The following GRM1 variants were observed in gnomAD, a reference collection of about 807,000 sequenced individuals.
The protein encoded by GRM1 is metabotropic glutamate receptor 1.
Under a neutral mutation model 90.9 loss-of-function variants are expected in GRM1, and 33 were observed. The ratio of observed to expected loss-of-function variants is 0.36; its 90% CI spans 0.28 to 0.49. The LOEUF (loss-of-function observed/expected upper bound fraction) is 0.49, where lower values mean the gene tolerates loss of function less well. Among genes scored for constraint, GRM1 ranks in the 20% least tolerant of loss-of-function variants. GRM1 has a pLI of 0.99. For missense variants in GRM1, 1,190 were observed against 1,534.3 expected, an observed-to-expected ratio of 0.78 and a Z score of 3.75; for synonymous variants, 700 against 613.2, an observed-to-expected ratio of 1.14 and a Z score of -2.09.
chr6:146,333,845 A>G (rs1045897355), intron 3 of GRM1, among the ~76,000 whole-genome samples: 1 of 152,208 alleles, frequency 6.6e-6, no homozygotes, highest in Admixed American at 6.5e-5. Context: ...GCCTAAAGAA[A>G]CAAGGAAAAT....
intron 1 of GRM1, among the ~76,000 whole-genome samples, chr6:146,099,761 C>A (rs1216969521): frequency 6.6e-6 from 1 of 152,100 alleles, no homozygotes; most frequent in Admixed American, 6.6e-5. Context: ...TATACAGTGT[C>A]CTTTAAATGA....
intron 7 of GRM1, among the ~76,000 whole-genome samples, chr6:146,407,343 G>T (rs1009911754): frequency 6.6e-6 from 1 of 152,102 alleles, no homozygotes; most frequent in Admixed American, 6.5e-5. Context: ...TAACACACTT[G>T]CTCCACAAAT....
At chr6:146,254,926 G>A (rs1296738335) in intron 2 of GRM1, among the ~76,000 whole-genome samples, 6 of 152,156 alleles carry the variant, frequency 3.9e-5, no homozygotes, top group African/African-American at 1.4e-4. Context: ...ATTGGCTGAT[G>A]GCATAGTTTT....
chr6:146,327,156 CT>C (rs1212788711), intron 3 of GRM1, among the ~76,000 whole-genome samples: 1 of 152,028 alleles, frequency 6.6e-6, no homozygotes, highest in African/African-American at 2.4e-5. Flanking sequence ...TATCTAATGC[CT>C]TTTTTTCTGT....
chr6:146,405,087 G>A (rs886641303), intron 7 of GRM1, among the ~76,000 whole-genome samples: 1 of 152,114 alleles, frequency 6.6e-6, no homozygotes, highest in African/African-American at 2.4e-5. Flanking sequence ...AAACAGATAA[G>A]GAATACAGGA....
chr6:146,080,453 G>A (rs755089927), intron 1 of GRM1, among the ~76,000 whole-genome samples: 13 of 152,070 alleles, frequency 8.5e-5, no homozygotes, highest in East Asian at 7.7e-4. Context: ...AAAAATACAC[G>A]TGACACAGGG....
intron 1 of GRM1, among the ~76,000 whole-genome samples, chr6:146,103,450 A>G (rs1445404258): frequency 1.3e-5 from 2 of 152,186 alleles, no homozygotes; most frequent in Non-Finnish European, 2.9e-5. Flanking sequence ...AGAATTCCCT[A>G]TAGTGTCAGC....
intron 1 of GRM1, among the ~76,000 whole-genome samples, chr6:146,152,448 T>C (rs1260939143): frequency 6.6e-6 from 1 of 151,910 alleles, no homozygotes; most frequent in African/African-American, 2.4e-5. Context: ...CTGTATTTTG[T>C]GTGCTTGTGT....
At chr6:146,093,593 C>T (rs1776779973) in intron 1 of GRM1, among the ~76,000 whole-genome samples, 1 of 152,046 alleles carries the variant, frequency 6.6e-6, no homozygotes, top group Non-Finnish European at 1.5e-5. Flanking sequence ...GTTTTATATC[C>T]TTTTGTGAAC....
chr6:146,431,493 T>C (rs1034302597), intron 7 of GRM1, among the ~76,000 whole-genome samples: 8 of 152,200 alleles, frequency 5.3e-5, no homozygotes, highest in Non-Finnish European at 5.9e-5. Context: ...ACCTTTTTGC[T>C]ATTATGTGTA....
intron 1 of GRM1, among the ~76,000 whole-genome samples, chr6:146,157,739 CT>C (rs1777571439): frequency 6.6e-6 from 1 of 151,856 alleles, no homozygotes; most frequent in Non-Finnish European, 1.5e-5. Flanking sequence ...GGAGTTGGCT[CT>C]AACCTAAAGT....
intron 2 of GRM1, among the ~76,000 whole-genome samples, chr6:146,225,098 A>G (rs897662134): frequency 6.6e-6 from 1 of 152,082 alleles, no homozygotes; most frequent in Non-Finnish European, 1.5e-5. Context: ...TTGTGGGAAG[A>G]CTTAAGAAAA....
chr6:146,041,741 GT>G (rs1220411864), intron 1 of GRM1, among the ~76,000 whole-genome samples: 1 of 151,912 alleles, frequency 6.6e-6, no homozygotes, highest in Non-Finnish European at 1.5e-5. Context: ...CGAATTCTGG[GT>G]TATTGGTGAT....
chr6:146,364,084 A>G (rs1286901689), intron 5 of GRM1, among the ~76,000 whole-genome samples: 1 of 152,224 alleles, frequency 6.6e-6, no homozygotes, highest in South Asian at 2.1e-4. Context: ...TCTAGGTCAC[A>G]TTGTAAATCA....
At chr6:146,395,592 G>A (rs565636850) in intron 6 of GRM1, among the ~76,000 whole-genome samples, 3 of 151,964 alleles carry the variant, frequency 2.0e-5, no homozygotes, top group Non-Finnish European at 2.9e-5. Context: ...CTTGTAGTAT[G>A]GACAATAAGT....
At chr6:146,417,885 T>C (rs546361937) in intron 7 of GRM1, among the ~76,000 whole-genome samples, 1 of 152,182 alleles carries the variant, frequency 6.6e-6, no homozygotes, top group Non-Finnish European at 1.5e-5. Context: ...AGTCTGACTT[T>C]GGAAGTTTGT....
At chr6:146,096,062 T>C (rs1386979814) in intron 1 of GRM1, among the ~76,000 whole-genome samples, 2 of 152,180 alleles carry the variant, frequency 1.3e-5, no homozygotes, top group Non-Finnish European at 2.9e-5. Context: ...GAAAGTAGTC[T>C]CTTGTTTTAA....
At chr6:146,178,987 G>A (rs1778441345) in intron 2 of GRM1, among the ~76,000 whole-genome samples, 1 of 152,178 alleles carries the variant, frequency 6.6e-6, no homozygotes, top group African/African-American at 2.4e-5. Flanking sequence ...CGATTTTAAT[G>A]CCTTGGAAGA....
chr6:146,407,587 C>T (rs1230531370), intron 7 of GRM1, among the ~76,000 whole-genome samples: 2 of 152,146 alleles, frequency 1.3e-5, no homozygotes, highest in Non-Finnish European at 2.9e-5. Flanking sequence ...AGTTTCTAAA[C>T]TGAATCCATA....
Sources: gnomAD v4.1 joint callset for allele counts (sites outside exome capture counted in the v4.1 genomes callset) on GRCh38, gnomAD v4.1.1 for gene constraint, MANE v1.5 for transcripts, NCBI Gene and HGNC (gene_info 2026-07-23, HGNC 2026-07-21) for gene names.